Variants in ZMAT3 observed in about 807,000 individuals in gnomAD.
ZMAT3 encodes the protein zinc finger matrin-type protein 3.
ZMAT3 carries 17 observed loss-of-function variants against 32.3 expected under a neutral mutation model. The observed-to-expected ratio is 0.53, with a 90% CI of 0.36 to 0.79. The LOEUF is 0.79. Ranked by LOEUF, ZMAT3 falls within the 30% of genes least tolerant of loss-of-function variation. ZMAT3 has a pLI of 0.00. For synonymous variants in ZMAT3, 120 were observed against 133.1 expected, an observed-to-expected ratio of 0.90 and a Z score of 0.68; for missense variants, 329 against 359.7, an observed-to-expected ratio of 0.91 and a Z score of 0.69.
rs142158479 is a variant in ZMAT3 at position 179,071,470 on chromosome 3, T to C, written c.-58+125A>G. 5.4e-3 allele frequency: 821 copies of C among 152,254 alleles called. 23 individuals carry two copies. In the South Asian group the frequency reaches 0.066, roughly 12 times the overall value. 9.4% of individuals were successfully genotyped at this position (152,254 alleles called of 1,614,324 possible). ...TGCCTGAAACAAGCAAACTGATAAA[T>C]AGAAGCAGCGCAAGCCCTGTCACGT... On this transcript the variant is annotated intron_variant, in intron 1 of 5. Coordinates refer to ENST00000311417, the MANE Select transcript of ZMAT3 (RefSeq NM_022470.4).
chr3:179,030,503 C>T (rs780244731), intron 3 of ZMAT3, among the ~76,000 whole-genome samples: 26 of 151,936 alleles, frequency 1.7e-4, no homozygotes, highest in Admixed American at 5.2e-4. Context: ...TACAGGTGCC[C>T]GCCACCACGC....
In ZMAT3 at chr3:179,021,107, T is replaced by G. The variant is rs1294439166; in HGVS notation, c.*3910A>C. 2 of 152,120 alleles carry G rather than the reference T, an allele frequency of 1.3e-5. No homozygotes were observed. Among genetic ancestry groups the G allele is most frequent in the South Asian group, 4.1e-4 (2 of 4,828 alleles). The allele number at this position is 152,120 out of a possible 1,614,324, so 9.4% of individuals were successfully genotyped here. On this transcript the variant is annotated 3_prime_UTR_variant, in exon 6 of 6. Transcript: ENST00000311417. ...TAATTAAAAGGTCAGTGAAGAAGAG[T>G]TGGAGGAGGAACTTTTTCCAAATAA...
At chr3:179,044,685 G>T (rs1576856454) in intron 2 of ZMAT3, among the ~76,000 whole-genome samples, 1 of 152,050 alleles carries the variant, frequency 6.6e-6, no homozygotes, top group African/African-American at 2.4e-5. Context: ...ATACACCATG[G>T]AATACTATGC....
At chr3:179,036,931 G>A (rs564227220) in intron 2 of ZMAT3, among the ~76,000 whole-genome samples, 32 of 152,150 alleles carry the variant, frequency 2.1e-4, no homozygotes, top group African/African-American at 7.2e-4. Flanking sequence ...AAGCCGACCC[G>A]TGAACCAATC....
At chr3:179,033,073 A>G (rs1202670462) in intron 2 of ZMAT3, among the ~76,000 whole-genome samples, 2 of 152,242 alleles carry the variant, frequency 1.3e-5, no homozygotes, top group Admixed American at 6.5e-5. Flanking sequence ...AAGGAAAGAG[A>G]GATCAGATTG....
intron 3 of ZMAT3, among the ~76,000 whole-genome samples, chr3:179,030,607 G>A (rs1047869258): frequency 6.6e-6 from 1 of 152,084 alleles, no homozygotes; most frequent in Non-Finnish European, 1.5e-5. Context: ...GCCCGTCTCG[G>A]CCTCCCAAAG....
Position 179,031,922 on chromosome 3 carries a change from A to ACCTC in ZMAT3, c.271-924_271-923insGAGG, listed in dbSNP as rs1560085517. 4.0e-5 allele frequency among the ~76,000 whole-genome samples: 2 copies of ACCTC among 49,778 alleles called. 1 individual carries two copies. Among genetic ancestry groups the ACCTC allele is most frequent in the Non-Finnish European group, 7.8e-5 (2 of 25,544 alleles). The allele number at this position is 49,778 out of a possible 152,430, so 32.7% of individuals were successfully genotyped here. A position where few individuals can be genotyped will look rare whatever the true frequency, so the allele number is the denominator to read the frequency against. ...ATTCTGTCTCAAATAAAAAAAAAAA[A>ACCTC]AACTCTCCCTCTCCCTCCCCCTCCC... On this transcript the variant is annotated intron_variant, in intron 2 of 5. Transcript: ENST00000311417.
rs1718407277 is a variant in ZMAT3, at chr3:179,018,954, C to A, written c.*6063G>T. On this transcript the variant is annotated 3_prime_UTR_variant, in exon 6 of 6. Transcript: ENST00000311417. ...TTATATAGGGGTTTGACCCTTTACTCCCCTCTACCTTCTGGTAGAGCAGCT... is the reference window on the plus strand; with the variant it reads ...TTATATAGGGGTTTGACCCTTTACTACCCTCTACCTTCTGGTAGAGCAGCT... 6.6e-6 allele frequency: 1 copy of A among 152,070 alleles called. No individual in the cohort carries two copies. The highest frequency in any genetic ancestry group is 1.5e-5 in the Non-Finnish European group (1 of 68,000). 9.4% of individuals were successfully genotyped at this position (152,070 alleles called of 1,614,324 possible).
Position 179,018,424 on chromosome 3 carries a change from A to T in ZMAT3, c.*6593T>A, listed in dbSNP as rs1162666428. 1 of 152,096 alleles carries T rather than the reference A, an allele frequency of 6.6e-6. No homozygotes were observed. The highest frequency in any genetic ancestry group is 2.4e-5 in the African/African-American group (1 of 41,410). 9.4% of individuals were successfully genotyped at this position (152,096 alleles called of 1,614,324 possible). A position where few individuals can be genotyped will look rare whatever the true frequency, so the allele number is the denominator to read the frequency against. On this transcript the variant is annotated 3_prime_UTR_variant, in exon 6 of 6. Transcript: ENST00000311417. Reference sequence around the variant, plus strand: ...GAACTATGGCCATGAGAATATGTTTAAGTTCAAAGAACTGCCAGATGTCTA... The same window carrying T: ...GAACTATGGCCATGAGAATATGTTTTAGTTCAAAGAACTGCCAGATGTCTA...
In ZMAT3 at chr3:179,045,393, C is replaced by G. The variant is rs187132668; in HGVS notation, c.271-14394G>C. 3.1e-3 allele frequency among the ~76,000 whole-genome samples: 465 copies of G among 152,194 alleles called. 6 individuals carry two copies. Among genetic ancestry groups the G allele is most frequent in the Middle Eastern group, 0.014 (4 of 294 alleles). ...AGGTGGAAACAATGTAAGTGACCAC[C>G]TACAGGACAACAGATAAATTGTAGA... On this transcript the variant is annotated intron_variant, in intron 2 of 5. Transcript: ENST00000311417.
intron 2 of ZMAT3, among the ~76,000 whole-genome samples, chr3:179,060,937 T>C (rs116757470): frequency 6.6e-6 from 1 of 152,194 alleles, no homozygotes; most frequent in African/African-American, 2.4e-5. Flanking sequence ...GCTGTTAACA[T>C]TCCAAAGAAA....
At chr3:179,069,855 G>C (rs949666939) in intron 1 of ZMAT3, among the ~76,000 whole-genome samples, 5 of 151,892 alleles carry the variant, frequency 3.3e-5, no homozygotes, top group Non-Finnish European at 7.4e-5. Context: ...CATATCTCTG[G>C]GAACATAAAA....
At chr3:179,063,666 C>T (rs1721260217) in intron 2 of ZMAT3, among the ~76,000 whole-genome samples, 1 of 152,212 alleles carries the variant, frequency 6.6e-6, no homozygotes, top group Admixed American at 6.5e-5. Flanking sequence ...AATTCTTCCT[C>T]TGGGCATTTA....
chr3:179,045,410 A>T (rs75517621), intron 2 of ZMAT3, among the ~76,000 whole-genome samples: 26 of 152,324 alleles, frequency 1.7e-4, no homozygotes, highest in African/African-American at 6.3e-4. Flanking sequence ...ACAACAGATA[A>T]ATTGTAGATT....
chr3:179,020,258 G>A lies in ZMAT3; in HGVS notation c.*4759C>T, dbSNP rs1243831480. The stretch of plus-strand genomic sequence containing the variant: ...GTCACATGGGACCATAAGCCAGTAC[G>A]TTTTTTGGTAGCTACCCAGAAAGGA... On this transcript the variant is annotated 3_prime_UTR_variant, in exon 6 of 6. Coordinates refer to ENST00000311417, the MANE Select transcript of ZMAT3 (RefSeq NM_022470.4). 6.6e-6 allele frequency: 1 copy of A among 152,068 alleles called. No individual in the cohort carries two copies. Among genetic ancestry groups the A allele is most frequent in the Non-Finnish European group, 1.5e-5 (1 of 67,994 alleles). The allele number at this position is 152,068 out of a possible 1,614,324, so 9.4% of individuals were successfully genotyped here.
In ZMAT3 at chr3:179,024,069, G is replaced by A. The variant is rs1386559282; in HGVS notation, c.*948C>T. 2 of 151,912 alleles carry A rather than the reference G, an allele frequency of 1.3e-5. No individual in the cohort carries two copies. Among genetic ancestry groups the A allele is most frequent in the Non-Finnish European group, 2.9e-5 (2 of 67,984 alleles). 9.4% of individuals were successfully genotyped at this position (151,912 alleles called of 1,614,324 possible). On this transcript the variant is annotated 3_prime_UTR_variant, in exon 6 of 6. Transcript: ENST00000311417. Reference sequence around the variant, plus strand: ...TTAAACTCATTGAATATTCAAATATGAGGCTTGGAAAACCCACAGCACAGC... The same window carrying A: ...TTAAACTCATTGAATATTCAAATATAAGGCTTGGAAAACCCACAGCACAGC...
chr3:179,028,579 C>A (rs916730067), intron 3 of ZMAT3, among the ~76,000 whole-genome samples: 1 of 152,330 alleles, frequency 6.6e-6, no homozygotes, highest in East Asian at 1.9e-4. Flanking sequence ...AAGGCTTAGG[C>A]TGCCTGCCCG....
At chr3:179,033,016 G>A (rs1293728390) in intron 2 of ZMAT3, among the ~76,000 whole-genome samples, 7 of 152,360 alleles carry the variant, frequency 4.6e-5, no homozygotes, top group African/African-American at 7.2e-5. Flanking sequence ...AACGGGCCAC[G>A]ATGACGATGG....
intron 2 of ZMAT3, among the ~76,000 whole-genome samples, chr3:179,039,418 C>G (rs1719790975): frequency 6.6e-6 from 1 of 152,220 alleles, no homozygotes; most frequent in Non-Finnish European, 1.5e-5. Context: ...TCTGCAGCCT[C>G]CGCTGGTGAT....
Sources: gnomAD v4.1 joint callset for allele counts (sites outside exome capture counted in the v4.1 genomes callset) on GRCh38, gnomAD v4.1.1 for gene constraint, MANE v1.5 for transcripts, NCBI Gene and HGNC (gene_info 2026-07-23, HGNC 2026-07-21) for gene names.